The following TMEM132D variants were observed in gnomAD, a reference collection of about 807,000 sequenced individuals.
TMEM132D encodes the protein transmembrane protein 132D.
TMEM132D carries 21 observed loss-of-function variants against 62.3 expected under a neutral mutation model. The observed-to-expected ratio is 0.34, with a 90% CI of 0.24 to 0.49. TMEM132D has a LOEUF of 0.49. Ranked by LOEUF, TMEM132D falls within the 20% of genes least tolerant of loss-of-function variation. The pLI is 0.99. For missense variants in TMEM132D, 1,346 were observed against 1,402.8 expected (o/e 0.96, Z 0.65); for synonymous variants, 621 against 575.6 (o/e 1.08, Z -1.13).
At chr12:129,758,623 T>C in intron 1 of TMEM132D, among the ~76,000 whole-genome samples, 1 of 152,160 alleles carries the variant, frequency 6.6e-6, no homozygotes, top group Non-Finnish European at 1.5e-5. Context: ...ATCTAACACA[T>C]ATCATAGGTA....
intron 1 of TMEM132D, among the ~76,000 whole-genome samples, chr12:129,741,413 A>AT (rs933048386): frequency 9.8e-5 from 15 of 152,340 alleles, no homozygotes; most frequent in Non-Finnish European, 1.9e-4. Context: ...TGTAGAAGCT[A>AT]TTATTATAGA....
intron 4 of TMEM132D, among the ~76,000 whole-genome samples, chr12:129,327,482 A>G (rs530467705): frequency 1.6e-4 from 24 of 152,194 alleles, no homozygotes; most frequent in Non-Finnish European, 2.9e-4. Context: ...TCTAGAACCC[A>G]ATAACCCACA....
intron 3 of TMEM132D, among the ~76,000 whole-genome samples, chr12:129,468,033 G>A (rs569260501): frequency 6.6e-6 from 1 of 152,268 alleles, no homozygotes; most frequent in South Asian, 2.1e-4. Flanking sequence ...TTGGATTCAG[G>A]AACAGCTGAG....
chr12:129,380,696 C>G (rs1231892897), intron 3 of TMEM132D, among the ~76,000 whole-genome samples: 1 of 152,142 alleles, frequency 6.6e-6, no homozygotes, highest in Non-Finnish European at 1.5e-5. Flanking sequence ...TGTGGCCTTT[C>G]CATAGTCACC....
chr12:129,273,614 C>A (rs1447590392), intron 4 of TMEM132D, among the ~76,000 whole-genome samples: 1 of 151,788 alleles, frequency 6.6e-6, no homozygotes, highest in African/African-American at 2.4e-5. Context: ...ATGTCCTTTG[C>A]AGCCACATGG....
intron 3 of TMEM132D, among the ~76,000 whole-genome samples, chr12:129,488,089 T>C (rs1351318553): frequency 3.3e-5 from 5 of 151,978 alleles, no homozygotes; most frequent in Non-Finnish European, 5.9e-5. Context: ...CCAGGTGCCA[T>C]CTTGGAAGCG....
intron 1 of TMEM132D, among the ~76,000 whole-genome samples, chr12:129,707,152 A>AAT (rs533372204): frequency 0.029 from 4,257 of 147,376 alleles, 206 homozygotes; most frequent in African/African-American, 0.097. Flanking sequence ...CATTAGGAAA[A>AAT]ATATATATAT....
Position 129,263,620 on chromosome 12 carries a change from G to A in TMEM132D, c.1300-53957C>T, listed in dbSNP as rs182442598. Among the ~76,000 whole-genome samples the A allele has an allele frequency of 3.9e-5, 6 of 152,212 alleles. No homozygotes were observed. The East Asian group carries it at 1.2e-3, about 30-fold the overall frequency. The stretch of plus-strand genomic sequence containing the variant: ...AGAAGATCTAAATCGCATCTTGAAG[G>A]ATGGGCATATAGAGAGGGAGGGAGG... On this transcript the variant is annotated intron_variant, in intron 4 of 8. Coordinates refer to ENST00000422113, the MANE Select transcript of TMEM132D (RefSeq NM_133448.3).
chr12:129,293,825 G>T (rs1430268849), intron 4 of TMEM132D, among the ~76,000 whole-genome samples: 2 of 152,122 alleles, frequency 1.3e-5, no homozygotes, highest in Admixed American at 1.3e-4. Flanking sequence ...ATGAAGCTTC[G>T]CTCGCTTGCC....
intron 3 of TMEM132D, among the ~76,000 whole-genome samples, chr12:129,455,332 C>A (rs775265257): frequency 6.6e-6 from 1 of 152,286 alleles, no homozygotes; most frequent in African/African-American, 2.4e-5. Context: ...GGTACTTAAC[C>A]TTTCTGAGTC....
intron 1 of TMEM132D, among the ~76,000 whole-genome samples, chr12:129,762,386 G>A (rs1185087971): frequency 6.6e-6 from 1 of 152,042 alleles, no homozygotes; most frequent in Admixed American, 6.5e-5. Flanking sequence ...TTTCCAAAAA[G>A]ATTTGTTTTT....
chr12:129,384,801 G>A (rs142160531), intron 3 of TMEM132D, among the ~76,000 whole-genome samples: 15 of 152,210 alleles, frequency 9.9e-5, no homozygotes, highest in East Asian at 7.7e-4. Context: ...ACACTCTCCC[G>A]TATTCCCATC....
chr12:129,458,635 C>T (rs1184615841), intron 3 of TMEM132D, among the ~76,000 whole-genome samples: 1 of 152,158 alleles, frequency 6.6e-6, no homozygotes, highest in African/African-American at 2.4e-5. Context: ...GGGATTTGAA[C>T]TCACAACCTG....
chr12:129,428,388 A>C (rs1872558208), intron 3 of TMEM132D, among the ~76,000 whole-genome samples: 1 of 152,252 alleles, frequency 6.6e-6, no homozygotes, highest in African/African-American at 2.4e-5. Flanking sequence ...TGGAGTGTGA[A>C]ATTGAAAGGC....
intron 4 of TMEM132D, among the ~76,000 whole-genome samples, chr12:129,233,034 C>T (rs1327736994): frequency 2.0e-5 from 3 of 152,178 alleles, no homozygotes; most frequent in Admixed American, 1.3e-4. Flanking sequence ...CAAACCATGT[C>T]ACCTCCCCAT....
chr12:129,196,106 G>T (rs964450421), intron 5 of TMEM132D, among the ~76,000 whole-genome samples: 12 of 151,946 alleles, frequency 7.9e-5, no homozygotes, highest in African/African-American at 2.7e-4. Flanking sequence ...CAACCTGGGC[G>T]ACAGAGTGAG....
At chr12:129,122,361 G>C (rs1043811848) in intron 5 of TMEM132D, among the ~76,000 whole-genome samples, 1 of 152,122 alleles carries the variant, frequency 6.6e-6, no homozygotes, top group African/African-American at 2.4e-5. Context: ...CTCTAGCTGG[G>C]TAAAGAGGAC....
chr12:129,085,921 AC>A (rs1874602921), intron 5 of TMEM132D: 1 of 152,272 alleles, frequency 6.6e-6, no homozygotes, highest in Non-Finnish European at 1.5e-5. Flanking sequence ...AAGAATTGGG[AC>A]ATGTCTTCGG....
At chr12:129,786,489 G>A (rs575507504) in intron 1 of TMEM132D, among the ~76,000 whole-genome samples, 3 of 152,348 alleles carry the variant, frequency 2.0e-5, no homozygotes, top group Admixed American at 1.3e-4. Flanking sequence ...TGAAAGGAGC[G>A]AAGACGAACC....
Sources: allele counts gnomAD v4.1 joint callset (sites outside exome capture counted in the v4.1 genomes callset), GRCh38; gene constraint gnomAD v4.1.1; transcripts MANE v1.5; gene names NCBI Gene and HGNC (gene_info 2026-07-23, HGNC 2026-07-21).